ALDH1A2: variants seen among roughly 807,000 people sequenced by gnomAD.
ALDH1A2 encodes the protein retinal dehydrogenase 2.
Under a neutral mutation model 60.3 loss-of-function variants are expected in ALDH1A2, and 27 were observed. The ratio of observed to expected loss-of-function variants is 0.45; its 90% confidence interval spans 0.33 to 0.62. The LOEUF is 0.62. ALDH1A2 is among the 20% of genes least tolerant of loss of function. The probability of loss-of-function intolerance (pLI) is 0.02; values close to 1 mark genes in which losing one functional copy is unlikely to be tolerated. For missense variants in ALDH1A2, 581 were observed against 643.8 expected (o/e 0.90, Z 1.06); for synonymous variants, 289 against 232.4 (o/e 1.24, Z -2.21).
chr15:58,026,943 G>A (rs890525882), intron 1 of ALDH1A2, among the ~76,000 whole-genome samples: 6 of 152,210 alleles, frequency 3.9e-5, no homozygotes, highest in Non-Finnish European at 8.8e-5. Flanking sequence ...TGTGGGCAGG[G>A]CATAGCTGAA....
At chr15:57,969,067 T>C (rs377544584) in intron 7 of ALDH1A2, among the ~76,000 whole-genome samples, 3 of 152,226 alleles carry the variant, frequency 2.0e-5, no homozygotes, top group African/African-American at 4.8e-5. Context: ...AGTCGAGTTA[T>C]AGTTCAAGAA....
At chr15:57,962,306 CTGCTGT>C in intron 9 of ALDH1A2, 130 bp from the exon 10 acceptor site, 1 of 1,135,340 alleles carries the variant, frequency 8.8e-7, no homozygotes, top group South Asian at 1.5e-5. Flanking sequence ...TCATATAAAA[CTGCTGT>C]TACTTACCAA....
At chr15:58,039,833 C>A (rs1414973880) in intron 1 of ALDH1A2, among the ~76,000 whole-genome samples, 1 of 151,722 alleles carries the variant, frequency 6.6e-6, no homozygotes, top group Non-Finnish European at 1.5e-5. Flanking sequence ...AGGAAGTTGG[C>A]ATGTTTGTCC....
chr15:57,962,534 C>T (rs1893756734), intron 9 of ALDH1A2, among the ~76,000 whole-genome samples: 1 of 152,038 alleles, frequency 6.6e-6, no homozygotes, highest in African/African-American at 2.4e-5. Flanking sequence ...AGTAACTTAG[C>T]AAGTTGTATT....
At chr15:58,030,697 C>CA (rs2140539808) in intron 1 of ALDH1A2, among the ~76,000 whole-genome samples, 1 of 152,206 alleles carries the variant, frequency 6.6e-6, no homozygotes, top group Non-Finnish European at 1.5e-5. Context: ...TCTCAGGATA[C>CA]AAAATCAATG....
chr15:58,026,977 C>A (rs1162050796), intron 1 of ALDH1A2, among the ~76,000 whole-genome samples: 3 of 152,194 alleles, frequency 2.0e-5, no homozygotes, highest in Non-Finnish European at 4.4e-5. Context: ...ACAACTTCTG[C>A]AGACTTAAAC....
intron 4 of ALDH1A2, among the ~76,000 whole-genome samples, chr15:58,003,439 C>G (rs1895342520): frequency 6.6e-6 from 1 of 151,888 alleles, no homozygotes; most frequent in Non-Finnish European, 1.5e-5. Context: ...GTATCCTATT[C>G]TTTAACAGGT....
At chr15:58,025,825 C>G (rs2140532767) in intron 1 of ALDH1A2, among the ~76,000 whole-genome samples, 1 of 152,266 alleles carries the variant, frequency 6.6e-6, no homozygotes, top group Middle Eastern at 3.4e-3. Flanking sequence ...TACATGGTGA[C>G]AGAGAGAGCA....
chr15:57,976,672 C>T (rs1285552528), intron 7 of ALDH1A2, among the ~76,000 whole-genome samples: 2 of 152,194 alleles, frequency 1.3e-5, no homozygotes, highest in Non-Finnish European at 2.9e-5. Context: ...CATCGATGGG[C>T]ATCTGGGTTG....
At chr15:58,000,588 T>TA (rs1428719512) in intron 4 of ALDH1A2, among the ~76,000 whole-genome samples, 1 of 152,018 alleles carries the variant, frequency 6.6e-6, no homozygotes, top group Admixed American at 6.6e-5. Context: ...CATGGGCTGG[T>TA]AATATTTTCT....
In ALDH1A2 at chr15:57,963,937, T is replaced by C. The variant is rs1466342911; in HGVS notation, c.1034A>G (p.Lys345Arg). Reference sequence around the variant, plus strand: ...AAAGGGACTCCCCACTACGCGCCTCTTGGCCCGCTCCACGCTTCTTCTCAC... The same window carrying C: ...AAAGGGACTCCCCACTACGCGCCTCCTGGCCCGCTCCACGCTTCTTCTCAC... ...EFVRRSVERA[K>R]RRVVGSPFDP... is the part of the protein sequence containing the mutation. Residue 345 changes from lysine to arginine, a missense_variant, in exon 9 of 13, where the codon AAG becomes AGG. Around this residue, in one of 2 missense-constraint regions of ALDH1A2, gnomAD observed 375 missense variants for 469.7 expected, o/e 0.80. Transcript: ENST00000249750. The C allele has an allele frequency of 6.2e-7, 1 of 1,614,144 alleles. No homozygotes were observed. The highest frequency in any genetic ancestry group is 1.7e-5 in the Admixed American group (1 of 60,026).
intron 7 of ALDH1A2, among the ~76,000 whole-genome samples, chr15:57,989,391 CAA>C (rs1286298301): frequency 6.6e-6 from 1 of 152,076 alleles, no homozygotes; most frequent in Non-Finnish European, 1.5e-5. Context: ...AAATTCCAAT[CAA>C]AGTTTTTTAG....
At chr15:58,042,997 C>T (rs1247821328) in intron 1 of ALDH1A2, among the ~76,000 whole-genome samples, 3 of 151,790 alleles carry the variant, frequency 2.0e-5, no homozygotes, top group African/African-American at 7.3e-5. Flanking sequence ...AGGGGATACC[C>T]TTATAAAAGT....
chr15:58,029,754 A>T (rs1259608467), intron 1 of ALDH1A2, among the ~76,000 whole-genome samples: 5 of 152,210 alleles, frequency 3.3e-5, no homozygotes, highest in African/African-American at 1.2e-4. Flanking sequence ...AGAATACTAT[A>T]AACACCTCTA....
chr15:57,960,774 C>T lies in ALDH1A2; in HGVS notation c.1480G>A (p.Glu494Lys). ...GGFKMSGNGR[E>K]MGEFGLREYS... ...ATCAGCAACTTTAAGACTTACATTTCTCTCCCATTTCCAGACATCTTGAAT... is the reference window on the plus strand; with the variant it reads ...ATCAGCAACTTTAAGACTTACATTTTTCTCCCATTTCCAGACATCTTGAAT... Residue 494 changes from glutamate (E) to lysine (K), a missense_variant, in exon 12 of 13, where the codon GAA becomes AAA. By Grantham distance (56) the Glu-to-Lys change is moderately conservative (BLOSUM62 1). This residue lies in a region of ALDH1A2 where 375 missense variants were observed against 469.7 expected (regional missense o/e 0.80). Coordinates refer to ENST00000249750, the MANE Select transcript of ALDH1A2 (RefSeq NM_003888.4). 6.2e-7 allele frequency: 1 copy of T among 1,613,632 alleles called. No homozygotes were observed. The highest frequency in any genetic ancestry group is 8.5e-7 in the Non-Finnish European group (1 of 1,179,574).
At chr15:58,043,017 T>C (rs768165709) in intron 1 of ALDH1A2, among the ~76,000 whole-genome samples, 9 of 152,086 alleles carry the variant, frequency 5.9e-5, no homozygotes, top group Non-Finnish European at 1.2e-4. Flanking sequence ...TCTTATTTTC[T>C]TCTACAGCAC....
At chr15:57,977,173 T>C (rs1454360494) in intron 7 of ALDH1A2, among the ~76,000 whole-genome samples, 1 of 152,108 alleles carries the variant, frequency 6.6e-6, no homozygotes, top group Non-Finnish European at 1.5e-5. Context: ...ATGAGTAGAT[T>C]GCAAAAACTT....
chr15:58,010,841 T>G, intron 3 of ALDH1A2, 63 bp from the exon 4 acceptor site: 7 of 1,592,992 alleles, frequency 4.4e-6, no homozygotes, highest in Non-Finnish European at 6.0e-6. Context: ...CACTAATTTC[T>G]AGAGCAGAAG....
chr15:58,059,072 A>G (rs1007310037), intron 1 of ALDH1A2, among the ~76,000 whole-genome samples: 31 of 152,368 alleles, frequency 2.0e-4, no homozygotes, highest in African/African-American at 7.2e-4. Context: ...AAGATTTTGA[A>G]GGAAAACAAT....
Sources: allele counts gnomAD v4.1 joint callset (sites outside exome capture counted in the v4.1 genomes callset), GRCh38; gene constraint gnomAD v4.1.1; regional missense constraint gnomAD v4.1.1; transcripts MANE v1.5; gene names NCBI Gene and HGNC (gene_info 2026-07-23, HGNC 2026-07-21).